The following ATXN2 variants were observed in gnomAD, a reference collection of about 807,000 sequenced individuals.
ATXN2 encodes ataxin-2.
In ATXN2, 37 loss-of-function variants were observed where a neutral mutation model predicts 138.6. The ratio of observed to expected loss-of-function variants is 0.27; its 90% CI spans 0.21 to 0.35. The LOEUF (loss-of-function observed/expected upper bound fraction) is 0.35, where lower values mean the gene tolerates loss of function less well. Among genes scored for constraint, ATXN2 ranks in the 10% least tolerant of loss-of-function variants. ATXN2 has a pLI of 1.00. For missense variants in ATXN2, 1,216 were observed against 1,480.3 expected, an observed-to-expected ratio of 0.82 and a Z score of 2.93; for synonymous variants, 549 against 543.7, an observed-to-expected ratio of 1.01 and a Z score of -0.13.
At chr12:111,500,444 T>C (rs1404046649) in intron 14 of ATXN2, among the ~76,000 whole-genome samples, 1 of 152,122 alleles carries the variant, frequency 6.6e-6, no homozygotes, top group Non-Finnish European at 1.5e-5. Context: ...AGCAGAATGG[T>C]TACCAGAAGT....
At chr12:111,501,349 G>C (rs1186391554) in intron 14 of ATXN2, among the ~76,000 whole-genome samples, 1 of 152,100 alleles carries the variant, frequency 6.6e-6, no homozygotes, top group African/African-American at 2.4e-5. Context: ...GAAAAAAGGG[G>C]GAGCAAGTAC....
chr12:111,579,220 A>G (rs1387995491), intron 1 of ATXN2, among the ~76,000 whole-genome samples: 2 of 152,218 alleles, frequency 1.3e-5, no homozygotes, highest in East Asian at 3.8e-4. Context: ...AAATAAAATC[A>G]TATGTTCACA....
At position 111,598,572 on chromosome 12, in the gene ATXN2, G is replaced by C. The variant is rs1885056632; in HGVS notation, c.251+212C>G. ...CCGGGGGAGGGGGCGGGGATGCTGC[G>C]GGAGGCTGGACAGGCCTGACAATCC... On this transcript the variant is annotated intron_variant, in intron 1 of 24. Coordinates refer to ENST00000673436, the MANE Select transcript of ATXN2 (RefSeq NM_001372574.1). The surrounding 1 kb of genome is among the most constrained non-coding windows in gnomAD (Gnocchi z 4.5). 12 of 984,160 alleles carry C rather than the reference G, an allele frequency of 1.2e-5. No individual in the cohort carries two copies. Among genetic ancestry groups the C allele is most frequent in the African/African-American group, 1.8e-5 (1 of 57,106 alleles). 61.0% of individuals were successfully genotyped at this position (984,160 alleles called of 1,614,324 possible). A position where few individuals can be genotyped will look rare whatever the true frequency, so the allele number is the denominator to read the frequency against.
At chr12:111,505,168 C>G (rs1879028838) in intron 14 of ATXN2, among the ~76,000 whole-genome samples, 1 of 152,166 alleles carries the variant, frequency 6.6e-6, no homozygotes, top group African/African-American at 2.4e-5. Flanking sequence ...AAGATTGCAC[C>G]ACTGCCCTCC....
rs139110312 is a variant in ATXN2, at chr12:111,531,931, C to A, written c.572-6615G>T. 1.2e-3 allele frequency among the ~76,000 whole-genome samples: 176 copies of A among 152,264 alleles called. 1 individual carries two copies. The highest frequency in any genetic ancestry group is 4.1e-3 in the African/African-American group (172 of 41,544). ...AATGAGAACAAGTAACAATGAAATG[C>A]AGTTATCAAAAACTAAAAAAATCTG... On this transcript the variant is annotated intron_variant, in intron 5 of 24. Coordinates refer to ENST00000673436, the MANE Select transcript of ATXN2 (RefSeq NM_001372574.1).
intron 5 of ATXN2, among the ~76,000 whole-genome samples, chr12:111,527,550 G>A (rs1016778160): frequency 6.6e-6 from 1 of 152,180 alleles, no homozygotes; most frequent in African/African-American, 2.4e-5. Context: ...GTAGGTATGA[G>A]TGTGTGTACC....
intron 1 of ATXN2, among the ~76,000 whole-genome samples, chr12:111,573,552 A>G (rs1311020179): frequency 6.6e-6 from 1 of 152,182 alleles, no homozygotes; most frequent in African/African-American, 2.4e-5. Flanking sequence ...GCAATGGAAC[A>G]GTTATTAAAA....
intron 1 of ATXN2, chr12:111,581,472 T>C (rs1296282285): frequency 7.4e-6 from 7 of 940,362 alleles, no homozygotes; most frequent in African/African-American, 1.6e-5. Flanking sequence ...GTGGCTGTGC[T>C]GGGGGCACCC....
At chr12:111,555,796 A>C (rs1484592357) in intron 2 of ATXN2, 87 bp downstream of exon 2, 2 of 1,101,850 alleles carry the variant, frequency 1.8e-6, no homozygotes, top group Middle Eastern at 2.1e-4. Context: ...AAAAGAAGGG[A>C]ATCTTTTGCC....
Position 111,598,953 on chromosome 12 carries a change from GCTGCTGCTGCTGCTGCTGCTGCTGTTGCT to G in ATXN2, c.53_81del (p.Gln18ProfsTer62). The G allele has an allele frequency of 1.8e-6, 1 of 552,700 alleles. No individual in the cohort carries two copies. Among genetic ancestry groups the G allele is most frequent in the South Asian group, 2.8e-5 (1 of 35,628 alleles). The allele number at this position is 552,700 out of a possible 1,614,324, so 34.2% of individuals were successfully genotyped here. A position where few individuals can be genotyped will look rare whatever the true frequency, so the allele number is the denominator to read the frequency against. ...ACATTGGCAGCCGCGGGCGGCGGCTGCTGCTGCTGCTGCTGCTGCTGCTGTTGCTGCTGCTGCTGCTGCTGCTGCTGCTG... is the reference window on the plus strand; with the variant it reads ...ACATTGGCAGCCGCGGGCGGCGGCTGGCTGCTGCTGCTGCTGCTGCTGCTG... On this transcript the variant is annotated frameshift_variant, in exon 1 of 25. Transcript: ENST00000673436. LOFTEE classifies it high-confidence loss of function. This position sits in a 1 kb window ranked among gnomAD's most constrained non-coding sequence, Gnocchi z 4.5.
In ATXN2 at chr12:111,552,110, A is replaced by ACCT. The variant is rs1175378751; in HGVS notation, c.571+167_571+169dup. On this transcript the variant is annotated intron_variant, in intron 5 of 24. Coordinates refer to ENST00000673436, the MANE Select transcript of ATXN2 (RefSeq NM_001372574.1). The surrounding 1 kb of genome is among the most constrained non-coding windows in gnomAD (Gnocchi z 4.1). ...TGGCCAGGCTGGTCTCGAACTCCTG[A>ACCT]CCTCAGGTGATCCACCCGCCTCAGC... is the stretch of plus-strand genomic sequence containing the variant. 6.6e-6 allele frequency among the ~76,000 whole-genome samples: 1 copy of ACCT among 152,040 alleles called. No individual in the cohort carries two copies. Among genetic ancestry groups the ACCT allele is most frequent in the Non-Finnish European group, 1.5e-5 (1 of 68,004 alleles).
At chr12:111,481,805 G>C (rs1028275327) in intron 18 of ATXN2, among the ~76,000 whole-genome samples, 1 of 151,990 alleles carries the variant, frequency 6.6e-6, no homozygotes, top group African/African-American at 2.4e-5. Context: ...GGGATTATAG[G>C]TGCACGCTAC....
intron 18 of ATXN2, among the ~76,000 whole-genome samples, chr12:111,484,415 T>TTTTG (rs765330874): frequency 1.3e-5 from 2 of 151,924 alleles, no homozygotes; most frequent in Admixed American, 6.6e-5. Context: ...AGTCTGGTTT[T>TTTTG]TTTGTTTGTT....
intron 14 of ATXN2, among the ~76,000 whole-genome samples, chr12:111,498,917 C>A (rs1028175878): frequency 6.6e-6 from 1 of 152,066 alleles, no homozygotes; most frequent in African/African-American, 2.4e-5. Flanking sequence ...AACTCATTTT[C>A]CACAAAGAAG....
intron 1 of ATXN2, among the ~76,000 whole-genome samples, chr12:111,586,387 G>C (rs1051052632): frequency 3.1e-5 from 4 of 128,498 alleles, no homozygotes; most frequent in Non-Finnish European, 4.7e-5. Flanking sequence ...CCCCAAGTCT[G>C]GTTTTTTTTT....
chr12:111,491,358 A>C (rs758763139), intron 14 of ATXN2, among the ~76,000 whole-genome samples: 18 of 152,144 alleles, frequency 1.2e-4, no homozygotes, highest in Non-Finnish European at 2.2e-4. Flanking sequence ...AAGGACTGCA[A>C]TTCCTGGACA....
At chr12:111,548,282 T>C (rs1480840184) in intron 5 of ATXN2, among the ~76,000 whole-genome samples, 1 of 152,180 alleles carries the variant, frequency 6.6e-6, no homozygotes, top group Non-Finnish European at 1.5e-5. Context: ...AGTATAATGT[T>C]AAGAACATGA....
At chr12:111,582,102 G>A (rs769949537) in intron 1 of ATXN2, among the ~76,000 whole-genome samples, 2 of 152,224 alleles carry the variant, frequency 1.3e-5, no homozygotes, top group Middle Eastern at 3.4e-3. Flanking sequence ...GGGAGGCCAA[G>A]GCAAGAGGAG....
intron 15 of ATXN2, 76 bp downstream of exon 15, chr12:111,488,400 T>A (rs887493165): frequency 7.0e-7 from 1 of 1,437,308 alleles, no homozygotes; most frequent in African/African-American, 1.4e-5. Context: ...TCTTCACAGT[T>A]GGAAGGACCT....
Sources: allele counts gnomAD v4.1 joint callset (sites outside exome capture counted in the v4.1 genomes callset), GRCh38; gene constraint gnomAD v4.1.1; non-coding constraint Gnocchi (gnomAD v3.1); transcripts MANE v1.5; gene names NCBI Gene and HGNC (gene_info 2026-07-23, HGNC 2026-07-21).